ZNF423: variants seen among roughly 807,000 people sequenced by gnomAD.
The protein encoded by ZNF423 is zinc finger protein 423.
In ZNF423, 12 loss-of-function variants were observed where a neutral mutation model predicts 95.8. The observed-to-expected ratio is 0.13, with a 90% CI of 0.08 to 0.20. The LOEUF (loss-of-function observed/expected upper bound fraction) is 0.20, where lower values mean the gene tolerates loss of function less well. Ranked by LOEUF, ZNF423 falls within the 10% of genes least tolerant of loss-of-function variation. ZNF423 has a pLI of 1.00. For synonymous variants in ZNF423, 749 were observed against 711.9 expected (o/e 1.05, Z -0.83); for missense variants, 1,316 against 1,737.1 (o/e 0.76, Z 4.31).
At chr16:49,819,192 G>A (rs1235892756) in intron 1 of ZNF423, among the ~76,000 whole-genome samples, 1 of 146,698 alleles carries the variant, frequency 6.8e-6, no homozygotes, top group Non-Finnish European at 1.5e-5. Context: ...GGAGCTTGCA[G>A]TGAGCAGAGA....
intron 3 of ZNF423, among the ~76,000 whole-genome samples, chr16:49,691,719 G>A (rs1484580618): frequency 2.6e-5 from 4 of 151,568 alleles, no homozygotes; most frequent in African/African-American, 4.9e-5. Context: ...GCAACAGAGC[G>A]AGACTCCATC....
chr16:49,503,823 G>T (rs1167888809), intron 7 of ZNF423, among the ~76,000 whole-genome samples: 3 of 152,192 alleles, frequency 2.0e-5, no homozygotes, highest in Non-Finnish European at 4.4e-5. Context: ...TGAAATGACA[G>T]CCTGCAAGCT....
At chr16:49,619,704 C>T (rs1008671704) in intron 5 of ZNF423, among the ~76,000 whole-genome samples, 2 of 152,148 alleles carry the variant, frequency 1.3e-5, no homozygotes, top group Admixed American at 1.3e-4. Context: ...ACATTTTTAT[C>T]ACATATTAAG....
chr16:49,492,278 AG>A lies in ZNF423; in HGVS notation c.3850-975del, dbSNP rs111726191. ...AAAGGAGGCAACATCCACCAGGTGTAGGGTGGCCCTGTTTGGGGCCGCACAG... is the reference window on the plus strand; with the variant it reads ...AAAGGAGGCAACATCCACCAGGTGTAGGTGGCCCTGTTTGGGGCCGCACAG... On this transcript the variant is annotated intron_variant, in intron 7 of 7. Transcript: ENST00000563137. The surrounding 1 kb of genome is among the most constrained non-coding windows in gnomAD (Gnocchi z 4.2). 0.023 allele frequency among the ~76,000 whole-genome samples: 3,489 copies of A among 152,300 alleles called. 141 individuals carry two copies. Among genetic ancestry groups the A allele is most frequent in the African/African-American group, 0.079 (3,289 of 41,566 alleles).
intron 5 of ZNF423, among the ~76,000 whole-genome samples, chr16:49,548,696 AG>A (rs1204194836): frequency 6.6e-6 from 1 of 152,138 alleles, no homozygotes; most frequent in Non-Finnish European, 1.5e-5. Context: ...GGAAGCACAA[AG>A]CCTTCCCCTG....
chr16:49,762,170 C>T (rs1038658501), intron 2 of ZNF423, among the ~76,000 whole-genome samples: 8 of 152,164 alleles, frequency 5.3e-5, no homozygotes, highest in Admixed American at 1.3e-4. Flanking sequence ...GCTGAGCCTC[C>T]GTGCCCAGAC....
intron 5 of ZNF423, among the ~76,000 whole-genome samples, chr16:49,617,768 C>T (rs993241667): frequency 6.6e-6 from 1 of 152,202 alleles, no homozygotes; most frequent in Non-Finnish European, 1.5e-5. Context: ...TGCTGCCCAC[C>T]CCCATCTCCT....
intron 2 of ZNF423, among the ~76,000 whole-genome samples, chr16:49,737,323 G>A (rs932660881): frequency 2.6e-5 from 4 of 151,728 alleles, no homozygotes; most frequent in African/African-American, 7.3e-5. Flanking sequence ...AGGCTGGAGT[G>A]CAATGGTGCA....
At chr16:49,693,855 C>A (rs2031876892) in intron 3 of ZNF423, among the ~76,000 whole-genome samples, 1 of 152,200 alleles carries the variant, frequency 6.6e-6, no homozygotes, top group Admixed American at 6.5e-5. Context: ...AGGATCCGGC[C>A]AGGCCTGAAG....
At chr16:49,581,041 C>T (rs1304114370) in intron 5 of ZNF423, among the ~76,000 whole-genome samples, 5 of 152,280 alleles carry the variant, frequency 3.3e-5, no homozygotes, top group Admixed American at 1.3e-4. Context: ...ACGAGATTGC[C>T]ACAGCCCACC....
intron 3 of ZNF423, among the ~76,000 whole-genome samples, chr16:49,644,168 A>C (rs1271915341): frequency 6.6e-6 from 1 of 152,164 alleles, no homozygotes. Flanking sequence ...AGTGGGCCGA[A>C]AGGGAACCTT....
chr16:49,765,006 G>A (rs143378518), intron 2 of ZNF423, among the ~76,000 whole-genome samples: 7 of 150,314 alleles, frequency 4.7e-5, no homozygotes, highest in Admixed American at 6.7e-5. Context: ...TGATTTGCCC[G>A]CCTCATCTCC....
intron 5 of ZNF423, among the ~76,000 whole-genome samples, chr16:49,585,162 C>A (rs1371851921): frequency 6.6e-6 from 1 of 152,252 alleles, no homozygotes; most frequent in African/African-American, 2.4e-5. Flanking sequence ...TTCATCCAAT[C>A]TCTTCCCCCA....
rs147483451 is a variant in ZNF423, at chr16:49,635,859, C to G, written c.3317G>C (p.Arg1106Pro). 1.3e-6 allele frequency: 2 copies of G among 1,592,488 alleles called. No homozygotes were observed. The highest frequency in any genetic ancestry group is 1.7e-6 in the Non-Finnish European group (2 of 1,171,586). ...GCCACCCACCTGTCCGTTGGCGCTG[C>G]GGGCCATGCAGCCGGCGCAGAGGCC... Reference protein sequence around the residue: ...PYGLCAGCMARSANGQVGGLA... With the variant: ...PYGLCAGCMAPSANGQVGGLA... Residue 1106 changes from arginine (R) to proline (P), a missense_variant, in exon 4 of 8, where the codon CGC (arginine) becomes CCC (proline). By Grantham distance (103) the Arg-to-Pro change is moderately radical. Transcript: ENST00000563137. The surrounding 1 kb of genome is among the most constrained non-coding windows in gnomAD (Gnocchi z 4.8).
chr16:49,544,357 C>A (rs763122651), intron 5 of ZNF423, among the ~76,000 whole-genome samples: 2 of 152,190 alleles, frequency 1.3e-5, no homozygotes, highest in Non-Finnish European at 2.9e-5. Context: ...AGGTGTGCAT[C>A]TCTCTGAACG....
chr16:49,823,530 C>T (rs111637212), intron 1 of ZNF423, among the ~76,000 whole-genome samples: 1 of 152,254 alleles, frequency 6.6e-6, no homozygotes, highest in African/African-American at 2.4e-5. Context: ...AACCAGAGTC[C>T]TATGCTGCCC....
At chr16:49,673,673 G>A (rs140074005) in intron 3 of ZNF423, among the ~76,000 whole-genome samples, 149 of 152,360 alleles carry the variant, frequency 9.8e-4, no homozygotes, top group Non-Finnish European at 1.5e-3. Flanking sequence ...GTGCAAACAC[G>A]TATGTATGCA....
intron 5 of ZNF423, among the ~76,000 whole-genome samples, chr16:49,593,027 A>C (rs1386197080): frequency 6.6e-6 from 1 of 152,170 alleles, no homozygotes; most frequent in Non-Finnish European, 1.5e-5. Context: ...AATCCTTCAA[A>C]TACCTGATCA....
intron 7 of ZNF423, among the ~76,000 whole-genome samples, chr16:49,500,863 A>G (rs990775974): frequency 1.3e-5 from 2 of 152,170 alleles, no homozygotes; most frequent in Non-Finnish European, 2.9e-5. Context: ...AACTAGGATC[A>G]TGCCAGTGCA....
Sources: allele counts gnomAD v4.1 joint callset (sites outside exome capture counted in the v4.1 genomes callset), GRCh38; gene constraint gnomAD v4.1.1; non-coding constraint Gnocchi (gnomAD v3.1); transcripts MANE v1.5; gene names NCBI Gene and HGNC (gene_info 2026-07-23, HGNC 2026-07-21).